The following FBXO4 variants were observed in gnomAD, a reference collection of about 807,000 sequenced individuals.
The protein encoded by FBXO4 is F-box protein 4, also known as F-box only protein 4.
A neutral mutation model predicts 43.7 loss-of-function variants in FBXO4; 36 were observed. That is an observed-to-expected ratio of 0.82 (90% CI 0.63 to 1.09). The LOEUF is 1.09. FBXO4 is among the 50% of genes least tolerant of loss of function. The probability of loss-of-function intolerance (pLI) is 0.00; values close to 1 mark genes in which losing one functional copy is unlikely to be tolerated. For synonymous variants in FBXO4, 180 were observed against 165.6 expected (o/e 1.09, Z -0.67); for missense variants, 435 against 474.1 (o/e 0.92, Z 0.77).
chr5:41,986,962 G>C, the FBXO4 span, among the ~76,000 whole-genome samples: 11,435 of 152,136 alleles, frequency 0.075, 498 homozygotes, highest in South Asian at 0.13. Flanking sequence ...TGTTTATAGA[G>C]AACAAAATGT....
At chr5:42,002,058 G>C in the FBXO4 span, among the ~76,000 whole-genome samples, 1 of 152,102 alleles carries the variant, frequency 6.6e-6, no homozygotes, top group African/African-American at 2.4e-5. Flanking sequence ...TGTGTATGTT[G>C]ATTTTGTATC....
chr5:42,022,955 G>A, the FBXO4 span, among the ~76,000 whole-genome samples: 2,434 of 151,980 alleles, frequency 0.016, 121 homozygotes, highest in East Asian at 0.1. Flanking sequence ...CAAATACAGG[G>A]TTTAAAAAAA....
the FBXO4 span, among the ~76,000 whole-genome samples, chr5:41,959,350 T>G: frequency 6.6e-6 from 1 of 152,176 alleles, no homozygotes; most frequent in South Asian, 2.1e-4. Flanking sequence ...GTTGTCTCTT[T>G]ACTCTGTTGA....
the FBXO4 span, among the ~76,000 whole-genome samples, chr5:42,038,094 G>T: frequency 3.3e-5 from 5 of 152,096 alleles, no homozygotes; most frequent in Admixed American, 2.6e-4. Flanking sequence ...AGAGAGTGTT[G>T]TGACCTTTCC....
chr5:42,031,574 C>G, the FBXO4 span, among the ~76,000 whole-genome samples: 1 of 151,682 alleles, frequency 6.6e-6, no homozygotes, highest in Non-Finnish European at 1.5e-5. Context: ...CAAACCTGCA[C>G]ATTGTGCACA....
the FBXO4 span, among the ~76,000 whole-genome samples, chr5:41,976,958 C>A: frequency 6.6e-6 from 1 of 152,168 alleles, no homozygotes; most frequent in Non-Finnish European, 1.5e-5. Context: ...TGTGTGCCTG[C>A]CACTTAACAC....
At chr5:41,996,628 C>G in the FBXO4 span, among the ~76,000 whole-genome samples, 1 of 152,196 alleles carries the variant, frequency 6.6e-6, no homozygotes, top group African/African-American at 2.4e-5. Context: ...CCTTTTGGGT[C>G]ACTTGATAAA....
intron 1 of FBXO4, among the ~76,000 whole-genome samples, chr5:41,926,490 G>C (rs1472969761): frequency 6.6e-6 from 1 of 152,168 alleles, no homozygotes; most frequent in Non-Finnish European, 1.5e-5. Context: ...GGAGCATGGC[G>C]TGAACCTGGG....
At chr5:41,960,217 C>T in the FBXO4 span, among the ~76,000 whole-genome samples, 24 of 152,050 alleles carry the variant, frequency 1.6e-4, no homozygotes, top group African/African-American at 5.3e-4. Context: ...TTGTATTCTG[C>T]AACTTTATTG....
chr5:42,001,557 A>C, the FBXO4 span, among the ~76,000 whole-genome samples: 1 of 152,056 alleles, frequency 6.6e-6, no homozygotes, highest in Non-Finnish European at 1.5e-5. Flanking sequence ...TGTCTGTCTT[A>C]TTTCTTTCAC....
chr5:41,983,504 T>C, the FBXO4 span, among the ~76,000 whole-genome samples: 1 of 152,196 alleles, frequency 6.6e-6, no homozygotes, highest in Non-Finnish European at 1.5e-5. Context: ...AGAAGTTTTG[T>C]GAGAGTCATC....
the FBXO4 span, among the ~76,000 whole-genome samples, chr5:41,996,429 A>G: frequency 6.6e-6 from 1 of 152,184 alleles, no homozygotes; most frequent in Admixed American, 6.5e-5. Flanking sequence ...TCAAAATCCT[A>G]GAGGCCTCCA....
the FBXO4 span, among the ~76,000 whole-genome samples, chr5:42,037,371 C>T: frequency 3.0e-4 from 45 of 152,014 alleles, 1 homozygote; most frequent in East Asian, 3.9e-4. Flanking sequence ...AATTGGAATG[C>T]GCTTCATAAA....
intron 6 of FBXO4, among the ~76,000 whole-genome samples, chr5:41,940,941 A>G (rs899293774): frequency 6.6e-6 from 1 of 152,202 alleles, no homozygotes; most frequent in Non-Finnish European, 1.5e-5. Flanking sequence ...AAGTCATGGA[A>G]ATGGTAGTTC....
chr5:41,966,250 A>T, the FBXO4 span, among the ~76,000 whole-genome samples: 1 of 152,216 alleles, frequency 6.6e-6, no homozygotes, highest in East Asian at 1.9e-4. Context: ...TACATATGTA[A>T]CTAACCTGCA....
rs1373788038 is a variant in FBXO4, at chr5:41,941,714, T to G, written c.*433T>G. On this transcript the variant is annotated 3_prime_UTR_variant, in exon 7 of 7. Transcript: ENST00000281623. ...CAGAAAAGAAATTTTTATCTATTCT[T>G]AATAAATACACTGCTTAAAGACTGA... 1 of 156,544 alleles carries G rather than the reference T, an allele frequency of 6.4e-6. No homozygotes were observed. The allele number at this position is 156,544 out of a possible 1,614,324, so 9.7% of individuals were successfully genotyped here.
At chr5:42,032,057 C>CTGTGTGTGTGTGTGTGTG in the FBXO4 span, among the ~76,000 whole-genome samples, 4 of 139,236 alleles carry the variant, frequency 2.9e-5, no homozygotes, top group Non-Finnish European at 6.3e-5. Flanking sequence ...GTCTTTTTTT[C>CTGTGTGTGTGTGTGTGTG]TGTGTGTGTG....
chr5:42,025,926 C>T, the FBXO4 span, among the ~76,000 whole-genome samples: 1 of 151,896 alleles, frequency 6.6e-6, no homozygotes, highest in African/African-American at 2.4e-5. Context: ...CAGTATCAAA[C>T]TGTTTTAGCT....
At chr5:42,028,590 G>T in the FBXO4 span, among the ~76,000 whole-genome samples, 1 of 151,678 alleles carries the variant, frequency 6.6e-6, no homozygotes, top group Admixed American at 6.6e-5. Flanking sequence ...GTTGTCCTGT[G>T]CTCATCTCTT....
Sources: allele counts gnomAD v4.1 joint callset (sites outside exome capture counted in the v4.1 genomes callset), GRCh38; gene constraint gnomAD v4.1.1; transcripts MANE v1.5; gene names NCBI Gene and HGNC (gene_info 2026-07-23, HGNC 2026-07-21).